Variants in NRXN3 observed in about 807,000 individuals in gnomAD.
NRXN3 encodes neurexin III.
NRXN3 carries 32 observed loss-of-function variants against 137.6 expected under a neutral mutation model. That is an observed-to-expected ratio of 0.23 (90% CI 0.18 to 0.31). NRXN3 has a LOEUF of 0.31. Among genes scored for constraint, NRXN3 ranks in the 10% least tolerant of loss-of-function variants. NRXN3 has a pLI of 1.00. For synonymous variants in NRXN3, 798 were observed against 784.5 expected, an observed-to-expected ratio of 1.02 and a Z score of -0.29; for missense variants, 1,574 against 2,062.5, an observed-to-expected ratio of 0.76 and a Z score of 4.59.
At chr14:78,532,682 C>T (rs2096484801) in intron 4 of NRXN3, among the ~76,000 whole-genome samples, 1 of 151,994 alleles carries the variant, frequency 6.6e-6, no homozygotes, top group African/African-American at 2.4e-5. Flanking sequence ...AGCAAATATC[C>T]TTTCTTTGAC....
At chr14:78,413,321 T>C (rs778235316) in intron 4 of NRXN3, among the ~76,000 whole-genome samples, 1 of 152,182 alleles carries the variant, frequency 6.6e-6, no homozygotes, top group Non-Finnish European at 1.5e-5. Flanking sequence ...GTTTTACTCT[T>C]GTTGCCCAGG....
intron 10 of NRXN3, among the ~76,000 whole-genome samples, chr14:78,893,097 C>A (rs2099163957): frequency 6.6e-6 from 1 of 151,840 alleles, no homozygotes; most frequent in African/African-American, 2.4e-5. Flanking sequence ...TGCTTGGCCA[C>A]CCACCTTCCT....
intron 15 of NRXN3, among the ~76,000 whole-genome samples, chr14:79,047,165 AC>A (rs1439640301): frequency 6.8e-6 from 1 of 146,240 alleles, no homozygotes; most frequent in African/African-American, 2.6e-5. Context: ...AAAACACACC[AC>A]CACCAACAAC....
intron 8 of NRXN3, among the ~76,000 whole-genome samples, chr14:78,762,726 C>A (rs117050970): frequency 1.3e-5 from 2 of 152,222 alleles, no homozygotes; most frequent in East Asian, 3.9e-4. Context: ...TGGGATAATG[C>A]ATGGAGAACA....
At chr14:79,001,129 C>A (rs1049294051) in intron 15 of NRXN3, among the ~76,000 whole-genome samples, 6 of 152,026 alleles carry the variant, frequency 3.9e-5, no homozygotes, top group Non-Finnish European at 5.9e-5. Context: ...CTTTTGGTGG[C>A]GGATTCTGCC....
chr14:79,804,692 A>G (rs979002243), intron 19 of NRXN3, among the ~76,000 whole-genome samples: 1 of 152,202 alleles, frequency 6.6e-6, no homozygotes, highest in African/African-American at 2.4e-5. Flanking sequence ...CACACACCAT[A>G]AGGATTGAAA....
intron 4 of NRXN3, among the ~76,000 whole-genome samples, chr14:78,635,776 T>G (rs569425779): frequency 6.6e-6 from 1 of 152,330 alleles, no homozygotes; most frequent in Admixed American, 6.5e-5. Flanking sequence ...TTGTACAATT[T>G]TTTTTGTTCA....
At chr14:79,535,339 C>G (rs1296787748) in intron 16 of NRXN3, among the ~76,000 whole-genome samples, 1 of 152,142 alleles carries the variant, frequency 6.6e-6, no homozygotes, top group Admixed American at 6.5e-5. Context: ...CTTCTTCCCG[C>G]GTAGCATCAC....
intron 20 of NRXN3, among the ~76,000 whole-genome samples, chr14:79,815,674 C>G (rs1313386854): frequency 6.6e-6 from 1 of 152,088 alleles, no homozygotes; most frequent in Non-Finnish European, 1.5e-5. Context: ...TTAAAACCAG[C>G]ACACACACAG....
chr14:79,704,486 A>AGAT (rs2098768399), intron 19 of NRXN3, among the ~76,000 whole-genome samples: 1 of 152,026 alleles, frequency 6.6e-6, no homozygotes, highest in East Asian at 1.9e-4. Flanking sequence ...GAGAGAAATG[A>AGAT]GATAAGGAAT....
intron 6 of NRXN3, among the ~76,000 whole-genome samples, chr14:78,674,159 G>A (rs2097970816): frequency 6.6e-6 from 1 of 152,128 alleles, no homozygotes; most frequent in South Asian, 2.1e-4. Context: ...CAGGAATGAG[G>A]GCATTAGGGC....
At chr14:79,846,809 C>A (rs565180269) in intron 20 of NRXN3, among the ~76,000 whole-genome samples, 1 of 152,132 alleles carries the variant, frequency 6.6e-6, no homozygotes, top group Middle Eastern at 3.4e-3. Flanking sequence ...TTTTATTTTT[C>A]CTACCAACTA....
intron 3 of NRXN3, among the ~76,000 whole-genome samples, chr14:78,295,642 T>C (rs1233593713): frequency 6.6e-6 from 1 of 152,176 alleles, no homozygotes; most frequent in Non-Finnish European, 1.5e-5. Context: ...GGGCAACTTG[T>C]TTAAAATTCA....
chr14:78,714,661 C>A, intron 7 of NRXN3, 95 bp from the exon 8 acceptor site: 1 of 1,373,894 alleles, frequency 7.3e-7, no homozygotes. Context: ...TCTCTCCTGG[C>A]CAGCCAATGG....
At chr14:78,287,351 C>G (rs2075289294) in intron 3 of NRXN3, among the ~76,000 whole-genome samples, 1 of 152,150 alleles carries the variant, frequency 6.6e-6, no homozygotes, top group Non-Finnish European at 1.5e-5. Flanking sequence ...TTTCTGGCCC[C>G]CTTATCTGCT....
At chr14:78,513,752 C>T (rs1007075005) in intron 4 of NRXN3, among the ~76,000 whole-genome samples, 2 of 152,054 alleles carry the variant, frequency 1.3e-5, no homozygotes, top group Admixed American at 1.3e-4. Context: ...AAACCCCATC[C>T]CAAATACCTG....
intron 15 of NRXN3, among the ~76,000 whole-genome samples, chr14:79,355,390 A>C (rs187243520): frequency 0.01 from 1,581 of 152,238 alleles, 24 homozygotes; most frequent in African/African-American, 0.036. Flanking sequence ...CCCTAGTTAG[A>C]GTAGACACAA....
intron 8 of NRXN3, among the ~76,000 whole-genome samples, chr14:78,798,092 T>C (rs955441478): frequency 6.6e-6 from 1 of 152,150 alleles, no homozygotes; most frequent in African/African-American, 2.4e-5. Flanking sequence ...AGTCATGCTT[T>C]CCCAACAGTC....
At chr14:79,211,647 C>CT (rs1230865364) in intron 15 of NRXN3, among the ~76,000 whole-genome samples, 4 of 152,108 alleles carry the variant, frequency 2.6e-5, no homozygotes, top group Non-Finnish European at 5.9e-5. Flanking sequence ...ATCCTGTTCT[C>CT]TTAATTGTTA....
Sources: allele counts gnomAD v4.1 joint callset (sites outside exome capture counted in the v4.1 genomes callset), GRCh38; gene constraint gnomAD v4.1.1; transcripts MANE v1.5; gene names NCBI Gene and HGNC (gene_info 2026-07-23, HGNC 2026-07-21).